The following NRCAM variants were observed in gnomAD, a reference collection of about 807,000 sequenced individuals.
NRCAM encodes the protein neuronal cell adhesion molecule, also known as NgCAM-related cell adhesion molecule.
Under a neutral mutation model 156.5 loss-of-function variants are expected in NRCAM, and 83 were observed. The ratio of observed to expected loss-of-function variants is 0.53; its 90% CI spans 0.44 to 0.64. NRCAM has a LOEUF of 0.64. Among genes scored for constraint, NRCAM ranks in the 30% least tolerant of loss-of-function variants. NRCAM has a pLI of 0.00. For missense variants in NRCAM, 1,417 were observed against 1,597.3 expected (o/e 0.89, Z 1.92); for synonymous variants, 538 against 563.9 (o/e 0.95, Z 0.65).
chr7:108,262,918 TC>T (rs200025788), intron 3 of NRCAM, among the ~76,000 whole-genome samples: 2,520 of 152,306 alleles, frequency 0.017, 39 homozygotes, highest in South Asian at 0.033. Flanking sequence ...AACTACAGAC[TC>T]CCTTGGTGCA....
At chr7:108,290,479 A>T (rs945928905) in intron 3 of NRCAM, among the ~76,000 whole-genome samples, 13 of 152,180 alleles carry the variant, frequency 8.5e-5, no homozygotes, top group Non-Finnish European at 1.8e-4. Flanking sequence ...TCAAACATTT[A>T]AAAAGGAATC....
chr7:108,410,040 C>A (rs1793415058), intron 1 of NRCAM, among the ~76,000 whole-genome samples: 1 of 152,160 alleles, frequency 6.6e-6, no homozygotes, highest in African/African-American at 2.4e-5. Flanking sequence ...AAAAGAAGAA[C>A]CCTGAGCCAT....
At chr7:108,219,578 A>G (rs2091348670) in intron 11 of NRCAM, among the ~76,000 whole-genome samples, 1 of 152,250 alleles carries the variant, frequency 6.6e-6, no homozygotes, top group Non-Finnish European at 1.5e-5. Flanking sequence ...TACACCACAT[A>G]AACAGAATTA....
intron 30 of NRCAM, among the ~76,000 whole-genome samples, chr7:108,165,746 A>T (rs2053660156): frequency 6.6e-6 from 1 of 152,238 alleles, no homozygotes; most frequent in African/African-American, 2.4e-5. Flanking sequence ...TTTAAAAACC[A>T]CTTATGATTT....
intron 3 of NRCAM, among the ~76,000 whole-genome samples, chr7:108,254,550 G>GTTTTTTTTTT (rs2096534117): frequency 3.0e-5 from 3 of 100,220 alleles, no homozygotes; most frequent in African/African-American, 1.7e-4. Context: ...AAACAATTTT[G>GTTTTTTTTTT]CTTTTTTTTT....
chr7:108,436,606 TA>T (rs1353792560), intron 1 of NRCAM, among the ~76,000 whole-genome samples: 1 of 152,194 alleles, frequency 6.6e-6, no homozygotes, highest in African/African-American at 2.4e-5. Flanking sequence ...CTTTTGCATT[TA>T]AAAAATTTTT....
At chr7:108,259,331 A>G (rs149090194) in intron 3 of NRCAM, among the ~76,000 whole-genome samples, 2 of 152,342 alleles carry the variant, frequency 1.3e-5, no homozygotes, top group African/African-American at 4.8e-5. Context: ...TAAAAATCAA[A>G]GTCAAGTAAC....
intron 2 of NRCAM, among the ~76,000 whole-genome samples, chr7:108,382,254 C>A (rs2099704980): frequency 6.7e-6 from 1 of 148,498 alleles, no homozygotes; most frequent in South Asian, 2.2e-4. Flanking sequence ...GAAAAAAACT[C>A]TTTAGAAACA....
chr7:108,202,210 G>A (rs1354253711), intron 13 of NRCAM, among the ~76,000 whole-genome samples: 1 of 152,178 alleles, frequency 6.6e-6, no homozygotes, highest in East Asian at 1.9e-4. Flanking sequence ...CAGAACTGGG[G>A]TGATGGCCTT....
rs1447621618 is a variant in NRCAM, at chr7:108,456,429, G to A, written c.-518C>T. 1 of 150,666 alleles carries A rather than the reference G, an allele frequency of 6.6e-6. No homozygotes were observed. The highest frequency in any genetic ancestry group is 2.0e-4 in the East Asian group (1 of 5,078). 9.3% of individuals were successfully genotyped at this position (150,666 alleles called of 1,614,324 possible). ...CGCGTCCGCCAGCGACCCTGGCGAA[G>A]CGAGGCTGGCCCCGCGCCGGCGCGC... On this transcript the variant is annotated 5_prime_UTR_variant, in exon 1 of 33. Coordinates refer to ENST00000379028, the MANE Select transcript of NRCAM (RefSeq NM_001037132.4).
intron 26 of NRCAM, among the ~76,000 whole-genome samples, chr7:108,177,668 C>T (rs565228339): frequency 3.5e-4 from 5 of 14,482 alleles, no homozygotes; most frequent in Admixed American, 1.2e-3. Flanking sequence ...TATGTATATA[C>T]GTGTATATAT....
rs968429510 is a variant in NRCAM at position 108,239,998 on chromosome 7, G to A, written c.67C>T (p.Leu23=). The stretch of plus-strand genomic sequence containing the variant: ...TCCAGTGCACTAATCATCTGGCACA[G>A]GAAGAGAATCAGGGGCACTCTGCCC... ...SAGRVPLILF[L]CQMISALEVP... is the part of the protein sequence containing the mutation. Residue 23 remains leucine, a synonymous_variant, in exon 4 of 33, where the codon CTG becomes TTG. Transcript: ENST00000379028. The A allele has an allele frequency of 6.2e-7, 1 of 1,613,354 alleles. No homozygotes were observed. The highest frequency in any genetic ancestry group is 8.5e-7 in the Non-Finnish European group (1 of 1,179,442).
At chr7:108,152,703 A>G (rs1171148828) in intron 32 of NRCAM, among the ~76,000 whole-genome samples, 1 of 152,156 alleles carries the variant, frequency 6.6e-6, no homozygotes. Flanking sequence ...TTAGCACTAC[A>G]ATAGCAGAAT....
intron 19 of NRCAM, among the ~76,000 whole-genome samples, chr7:108,190,171 GTTCT>G (rs1021250651): frequency 3.3e-5 from 5 of 152,144 alleles, no homozygotes; most frequent in Admixed American, 2.6e-4. Context: ...AAATTCAAAT[GTTCT>G]TTCTAAAAAA....
At chr7:108,323,281 G>C (rs1269933479) in intron 2 of NRCAM, among the ~76,000 whole-genome samples, 2 of 152,190 alleles carry the variant, frequency 1.3e-5, no homozygotes, top group East Asian at 3.9e-4. Context: ...TTTGAAAATC[G>C]TTACTTTGGA....
intron 30 of NRCAM, among the ~76,000 whole-genome samples, chr7:108,163,842 G>A (rs1585575676): frequency 1.4e-5 from 1 of 73,600 alleles, no homozygotes; most frequent in Non-Finnish European, 2.6e-5. Context: ...GTGGGGTGGC[G>A]GTAATGAGAG....
intron 23 of NRCAM, 28 bp downstream of exon 23, chr7:108,182,667 G>C: frequency 2.5e-6 from 4 of 1,600,462 alleles, no homozygotes; most frequent in Non-Finnish European, 3.4e-6. Context: ...TGTTTTGCTG[G>C]GGAAAAGTAG....
rs185750329 is a variant in NRCAM at position 108,225,871 on chromosome 7, C to A, written c.722-170G>T. ...ACTAACTCATTAATTTACTCAGCCA[C>A]CCCCACCAGGAATATGCAGACATTT... On this transcript the variant is annotated intron_variant, in intron 9 of 32. Coordinates refer to ENST00000379028, the MANE Select transcript of NRCAM (RefSeq NM_001037132.4). Among the ~76,000 whole-genome samples the A allele has an allele frequency of 7.9e-5, 12 of 152,304 alleles. No individual in the cohort carries two copies. In the East Asian group the frequency reaches 2.1e-3, roughly 27 times the overall value.
intron 1 of NRCAM, among the ~76,000 whole-genome samples, chr7:108,436,472 G>A (rs1177037032): frequency 1.3e-5 from 2 of 152,170 alleles, no homozygotes; most frequent in Admixed American, 6.5e-5. Flanking sequence ...TACAGATAAA[G>A]TGATATGCCT....
Sources: allele counts gnomAD v4.1 joint callset (sites outside exome capture counted in the v4.1 genomes callset), GRCh38; gene constraint gnomAD v4.1.1; transcripts MANE v1.5; gene names NCBI Gene and HGNC (gene_info 2026-07-23, HGNC 2026-07-21).